Variants in PPP2R3A observed in about 807,000 individuals in gnomAD.
The protein encoded by PPP2R3A is serine/threonine-protein phosphatase 2A regulatory subunit B'' subunit alpha.
Under a neutral mutation model 106.9 loss-of-function variants are expected in PPP2R3A, and 80 were observed. That is an observed-to-expected ratio of 0.75 (90% confidence interval 0.62 to 0.90). The LOEUF (loss-of-function observed/expected upper bound fraction) is 0.90. PPP2R3A is among the 40% of genes least tolerant of loss of function. The probability of loss-of-function intolerance (pLI) is 0.00; values close to 1 mark genes in which losing one functional copy is unlikely to be tolerated. For missense variants in PPP2R3A, 1,386 were observed against 1,350.4 expected (o/e 1.03, Z -0.41); for synonymous variants, 483 against 468.3 (o/e 1.03, Z -0.41).
chr3:136,105,501 T>C (rs1042126251), intron 12 of PPP2R3A, among the ~76,000 whole-genome samples: 1 of 152,092 alleles, frequency 6.6e-6, no homozygotes, highest in Non-Finnish European at 1.5e-5. Flanking sequence ...GTGGTATGCC[T>C]GCATTCTCAA....
At chr3:135,982,257 CAAT>C (rs1937548202) in intron 1 of PPP2R3A, among the ~76,000 whole-genome samples, 1 of 148,972 alleles carries the variant, frequency 6.7e-6, no homozygotes, top group South Asian at 2.1e-4. Flanking sequence ...TTCTGTTTCA[CAAT>C]AATGTACTCC....
chr3:136,119,727 G>T (rs1004843310), intron 13 of PPP2R3A, among the ~76,000 whole-genome samples: 1 of 152,218 alleles, frequency 6.6e-6, no homozygotes, highest in African/African-American at 2.4e-5. Context: ...TGGAGAGGGT[G>T]TGGAGAATAG....
chr3:135,994,251 G>C (rs1933295854), intron 1 of PPP2R3A, among the ~76,000 whole-genome samples: 1 of 152,158 alleles, frequency 6.6e-6, no homozygotes, highest in Non-Finnish European at 1.5e-5. Flanking sequence ...ACTAGGAGCT[G>C]GAGTTAGTAA....
At chr3:136,041,948 C>G (rs1391503303) in intron 4 of PPP2R3A, among the ~76,000 whole-genome samples, 1 of 152,134 alleles carries the variant, frequency 6.6e-6, no homozygotes, top group Non-Finnish European at 1.5e-5. Flanking sequence ...CCTTCTGCCT[C>G]TTTTAACTGA....
intron 13 of PPP2R3A, among the ~76,000 whole-genome samples, chr3:136,128,107 A>C (rs1407548908): frequency 6.6e-6 from 1 of 152,212 alleles, no homozygotes; most frequent in Non-Finnish European, 1.5e-5. Context: ...TGTATCAATT[A>C]ACAGGCAAAA....
chr3:136,048,592 A>G (rs1190157907), intron 4 of PPP2R3A, among the ~76,000 whole-genome samples: 2 of 151,990 alleles, frequency 1.3e-5, no homozygotes, highest in Non-Finnish European at 2.9e-5. Context: ...GAATTGGTTG[A>G]ACCCAGGAGG....
chr3:136,053,972 C>A (rs1302572845), intron 5 of PPP2R3A, among the ~76,000 whole-genome samples: 1 of 151,790 alleles, frequency 6.6e-6, no homozygotes, highest in East Asian at 1.9e-4. Context: ...GTTAAAAAAA[C>A]ACATACACAG....
In PPP2R3A at chr3:136,002,635, C is replaced by A. The variant is rs1933679034; in HGVS notation, c.1137C>A (p.Asn379Lys). The change falls in exon 2 of 14, where the codon AAC becomes AAA. Residue 379 changes from asparagine (N) to lysine (K), a missense_variant. Coordinates refer to ENST00000264977, the MANE Select transcript of PPP2R3A (RefSeq NM_002718.5). ...ACAACTCCACAAATTCCTTATATAA[C>A]TTAGAGGTAAATGATCCTAGAACTC... is the stretch of plus-strand genomic sequence containing the variant. ...IPNNSTNSLY[N>K]LEVNDPRTLK... is the part of the protein sequence containing the mutation. 6.2e-7 allele frequency: 1 copy of A among 1,613,634 alleles called. No individual in the cohort carries two copies. Among genetic ancestry groups the A allele is most frequent in the African/African-American group, 1.3e-5 (1 of 74,928 alleles).
chr3:136,094,978 G>A (rs1374917924), intron 10 of PPP2R3A, among the ~76,000 whole-genome samples: 2 of 152,126 alleles, frequency 1.3e-5, no homozygotes, highest in African/African-American at 4.8e-5. Flanking sequence ...GTAAGTCAAG[G>A]CTTAGTTCCT....
intron 1 of PPP2R3A, among the ~76,000 whole-genome samples, chr3:135,969,628 T>C (rs1051247928): frequency 1.6e-4 from 24 of 152,186 alleles, no homozygotes; most frequent in African/African-American, 5.8e-4. Context: ...TAGGTGTAAA[T>C]TAAAGGCTGT....
chr3:135,971,630 T>C (rs2107746247), intron 1 of PPP2R3A, among the ~76,000 whole-genome samples: 1 of 152,330 alleles, frequency 6.6e-6, no homozygotes, highest in African/African-American at 2.4e-5. Flanking sequence ...TTCATAGCTG[T>C]CATTGGTTTA....
At chr3:136,035,628 G>GTTTCCTTTT (rs1277638300) in intron 3 of PPP2R3A, among the ~76,000 whole-genome samples, 1 of 152,096 alleles carries the variant, frequency 6.6e-6, no homozygotes, top group Non-Finnish European at 1.5e-5. Flanking sequence ...TTTAGGTTAC[G>GTTTCCTTTT]TAGTACTTTG....
chr3:135,981,394 A>G (rs1448461862), intron 1 of PPP2R3A, among the ~76,000 whole-genome samples: 1 of 151,728 alleles, frequency 6.6e-6, no homozygotes, highest in Non-Finnish European at 1.5e-5. Context: ...TAAAATGCCA[A>G]ATGAAGCTGA....
intron 1 of PPP2R3A, among the ~76,000 whole-genome samples, chr3:135,981,668 T>C (rs1937540793): frequency 6.6e-6 from 1 of 151,858 alleles, no homozygotes; most frequent in African/African-American, 2.4e-5. Context: ...GGAGTGTACA[T>C]TCTATTGCAG....
chr3:135,966,448 T>C (rs112781244), intron 1 of PPP2R3A, among the ~76,000 whole-genome samples: 39,944 of 151,906 alleles, frequency 0.26, 5,661 homozygotes, highest in Non-Finnish European at 0.32. Context: ...CGGCCCCTGG[T>C]CCTGCACCGC....
At chr3:136,077,145 C>G (rs1936624685) in intron 6 of PPP2R3A, among the ~76,000 whole-genome samples, 1 of 152,054 alleles carries the variant, frequency 6.6e-6, no homozygotes, top group Non-Finnish European at 1.5e-5. Flanking sequence ...CCTGGGGCCT[C>G]CCATGGAGCG....
At chr3:136,090,851 C>T (rs1265203126) in intron 10 of PPP2R3A, among the ~76,000 whole-genome samples, 184 bp downstream of exon 10, 4 of 152,178 alleles carry the variant, frequency 2.6e-5, no homozygotes, top group Non-Finnish European at 5.9e-5. Flanking sequence ...ATGTTCATGG[C>T]ATATCAAGAG....
chr3:135,971,617 G>C (rs1313400256), intron 1 of PPP2R3A, among the ~76,000 whole-genome samples: 1 of 152,222 alleles, frequency 6.6e-6, no homozygotes, highest in East Asian at 1.9e-4. Context: ...TGAGGGACCA[G>C]ACTTCATAGC....
intron 5 of PPP2R3A, among the ~76,000 whole-genome samples, chr3:136,051,028 C>G (rs1935667786): frequency 1.3e-5 from 2 of 152,270 alleles, no homozygotes; most frequent in African/African-American, 4.8e-5. Flanking sequence ...TCTATCTAGG[C>G]CTTCCCATGG....
Sources: allele counts gnomAD v4.1 joint callset (sites outside exome capture counted in the v4.1 genomes callset), GRCh38; gene constraint gnomAD v4.1.1; transcripts MANE v1.5; gene names NCBI Gene and HGNC (gene_info 2026-07-23, HGNC 2026-07-21).